Variants in SENP5 observed in about 807,000 individuals in gnomAD.
SENP5 encodes the protein sentrin-specific protease 5.
In SENP5, 21 loss-of-function variants were observed where a neutral mutation model predicts 74.2. The ratio of observed to expected loss-of-function variants is 0.28; its 90% CI spans 0.20 to 0.41. SENP5 has a LOEUF of 0.41. Among genes scored for constraint, SENP5 ranks in the 10% least tolerant of loss-of-function variants. The probability of loss-of-function intolerance (pLI) is 1.00; values close to 1 mark genes in which losing one functional copy is unlikely to be tolerated. For missense variants in SENP5, 717 were observed against 889.1 expected, an observed-to-expected ratio of 0.81 and a Z score of 2.46; for synonymous variants, 311 against 312.7, an observed-to-expected ratio of 0.99 and a Z score of 0.06.
intron 1 of SENP5, among the ~76,000 whole-genome samples, chr3:196,870,675 G>A (rs1378536676): frequency 2.0e-5 from 3 of 151,708 alleles, no homozygotes; most frequent in East Asian, 3.9e-4. Context: ...CCACCACCAC[G>A]CCCGGCTAAT....
chr3:196,920,286 CCTT>C (rs1715565825), intron 6 of SENP5, among the ~76,000 whole-genome samples: 1 of 151,962 alleles, frequency 6.6e-6, no homozygotes, highest in Non-Finnish European at 1.5e-5. Context: ...TTAAATGTAT[CCTT>C]AAGTATTTCA....
At chr3:196,914,586 A>AAAAAAAAAAT in intron 6 of SENP5, 4 of 33,500 alleles carry the variant, frequency 1.2e-4, no homozygotes, top group African/African-American at 1.8e-4. Flanking sequence ...AAAAAAAAAA[A>AAAAAAAAAAT]ATATATATAT....
In SENP5 at chr3:196,886,550, T is replaced by C. The variant is rs755977048; in HGVS notation, c.1369T>C (p.Leu457=). Residue 457 remains leucine, a synonymous_variant, in exon 2 of 10, where the codon TTG becomes CTG. Transcript: ENST00000323460. ...SLKQSILSSE[L]LDHPYCKSPL... is the part of the protein sequence containing the mutation. ...CAAGCAGAGCATTCTTAGTTCTGAG[T>C]TGCTGGACCACCCTTACTGTAAAAG... 1 of 1,613,836 alleles carries C rather than the reference T, an allele frequency of 6.2e-7. No individual in the cohort carries two copies.
Position 196,883,745 on chromosome 3 carries a change from G to A in SENP5, c.-31-1406G>A, listed in dbSNP as rs576896434. ...CTCTTGTCTCCCAGGCTGGAGTGCA[G>A]TGGCGCAATCTTGGCTCACTGCAAC... On this transcript the variant is annotated intron_variant, in intron 1 of 9. Transcript: ENST00000323460. Among the ~76,000 whole-genome samples the A allele has an allele frequency of 6.6e-5, 10 of 151,996 alleles. No homozygotes were observed. The South Asian group carries it at 1.9e-3, about 28-fold the overall frequency.
chr3:196,872,046 G>T (rs1192967373), intron 1 of SENP5, among the ~76,000 whole-genome samples: 1 of 152,154 alleles, frequency 6.6e-6, no homozygotes, highest in East Asian at 1.9e-4. Context: ...CACCACACTT[G>T]GCCGATATAA....
intron 6 of SENP5, among the ~76,000 whole-genome samples, chr3:196,908,226 A>G (rs4916580): frequency 0.66 from 100,413 of 151,996 alleles, 34,213 homozygotes; most frequent in Non-Finnish European, 0.75. Context: ...GCTGCAGTGA[A>G]CCCTGATCAC....
intron 6 of SENP5, among the ~76,000 whole-genome samples, chr3:196,915,033 A>T (rs1426807734): frequency 6.6e-6 from 1 of 152,202 alleles, no homozygotes. Context: ...CCATGGAGGG[A>T]GCATTCAGAC....
intron 6 of SENP5, among the ~76,000 whole-genome samples, chr3:196,910,743 C>CA (rs1032105229): frequency 6.6e-6 from 1 of 151,978 alleles, no homozygotes; most frequent in African/African-American, 2.4e-5. Flanking sequence ...CATATGGAAA[C>CA]AAAAAAGAGC....
Position 196,932,016 on chromosome 3 carries a change from C to G in SENP5, c.*1093C>G. The G allele has an allele frequency of 2.4e-6, 1 of 411,202 alleles. No individual in the cohort carries two copies. The highest frequency in any genetic ancestry group is 4.8e-6 in the Non-Finnish European group (1 of 207,586). 25.5% of individuals were successfully genotyped at this position (411,202 alleles called of 1,614,324 possible). Reference sequence around the variant, plus strand: ...CCTGTCCCATTAGTGACCTCAGTAACATGCAGGGTACGTCTGGCTTCTGCA... The same window carrying G: ...CCTGTCCCATTAGTGACCTCAGTAAGATGCAGGGTACGTCTGGCTTCTGCA... On this transcript the variant is annotated 3_prime_UTR_variant, in exon 10 of 10. Coordinates refer to ENST00000323460, the MANE Select transcript of SENP5 (RefSeq NM_152699.5).
chr3:196,907,765 A>G (rs1000085752), intron 6 of SENP5, among the ~76,000 whole-genome samples: 1 of 152,138 alleles, frequency 6.6e-6, no homozygotes, highest in Non-Finnish European at 1.5e-5. Context: ...AAAAATTGCA[A>G]AAAAGATCTC....
chr3:196,908,924 C>T (rs954291599), intron 6 of SENP5, among the ~76,000 whole-genome samples: 1 of 152,088 alleles, frequency 6.6e-6, no homozygotes, highest in African/African-American at 2.4e-5. Flanking sequence ...CAGAGCAGAA[C>T]TGAAGGAGAT....
Position 196,886,166 on chromosome 3 carries a change from A to C in SENP5, c.985A>C (p.Lys329Gln), listed in dbSNP as rs140986658. Residue 329 changes from lysine (K) to glutamine (Q), a missense_variant, in exon 2 of 10, where the codon AAA (lysine) becomes CAA (glutamine). Lys to Gln is a moderately conservative substitution (Grantham distance 53, BLOSUM62 1). Around this residue, in one of 4 missense-constraint regions of SENP5, gnomAD observed 567 missense variants for 577.4 expected, o/e 0.98. Transcript: ENST00000323460. ...TNSHVPDCHTKGSSFLGKELS... is the reference protein window; with the variant it reads ...TNSHVPDCHTQGSSFLGKELS... ...CTCTCATGTGCCTGATTGCCACACT[A>C]AAGGAAGCTCTTTCTTGGGCAAGGA... The C allele has an allele frequency of 1.5e-5, 25 of 1,614,216 alleles. No homozygotes were observed. In the African/African-American group the frequency reaches 2.9e-4, roughly 19 times the overall value.
intron 8 of SENP5, among the ~76,000 whole-genome samples, chr3:196,928,814 C>A (rs1454121257): frequency 6.6e-6 from 1 of 152,202 alleles, no homozygotes; most frequent in Non-Finnish European, 1.5e-5. Flanking sequence ...ATTTACCCAA[C>A]TAAAAAATCT....
At chr3:196,911,666 C>A (rs1715138023) in intron 6 of SENP5, among the ~76,000 whole-genome samples, 1 of 144,360 alleles carries the variant, frequency 6.9e-6, no homozygotes, top group Non-Finnish European at 1.6e-5. Context: ...GAAGCTGAGG[C>A]AGTTGTGGTG....
chr3:196,929,546 T>G, intron 8 of SENP5, 87 bp from the exon 9 acceptor site: 1 of 791,588 alleles, frequency 1.3e-6, no homozygotes, highest in Non-Finnish European at 2.1e-6. Flanking sequence ...TTTCCTATCT[T>G]TTGCGCATTT....
chr3:196,885,745 C>A lies in SENP5; in HGVS notation c.564C>A (p.Asn188Lys). 6.2e-7 allele frequency: 1 copy of A among 1,614,224 alleles called. No individual in the cohort carries two copies. The highest frequency in any genetic ancestry group is 8.5e-7 in the Non-Finnish European group (1 of 1,180,042). ...GESGTIVVTL[N>K]NHKRKGFCYG... Reference sequence around the variant, plus strand: ...GTGGCACGATTGTGGTCACCTTGAACAACCATAAGAGAAAGGGCTTTTGTT... The same window carrying A: ...GTGGCACGATTGTGGTCACCTTGAAAAACCATAAGAGAAAGGGCTTTTGTT... The change falls in exon 2 of 10, where the codon AAC becomes AAA. Residue 188 changes from asparagine to lysine, a missense_variant. Around this residue, in one of 4 missense-constraint regions of SENP5, gnomAD observed 567 missense variants for 577.4 expected, o/e 0.98. Transcript: ENST00000323460.
intron 1 of SENP5, among the ~76,000 whole-genome samples, chr3:196,874,493 ACCT>A (rs1169765975): frequency 6.6e-6 from 1 of 151,974 alleles, no homozygotes; most frequent in African/African-American, 2.4e-5. Context: ...CTTTTTAGAA[ACCT>A]GTTCTAGCTT....
At chr3:196,900,298 TTTTG>T (rs899335464) in intron 4 of SENP5, 63 bp from the exon 5 acceptor site, 4 of 1,443,428 alleles carry the variant, frequency 2.8e-6, no homozygotes, top group African/African-American at 1.4e-5. Flanking sequence ...TATTTATTTA[TTTTG>T]TTTTTCTTTC....
intron 6 of SENP5, among the ~76,000 whole-genome samples, chr3:196,917,193 A>G (rs1715415412): frequency 1.3e-5 from 2 of 151,964 alleles, no homozygotes; most frequent in African/African-American, 4.8e-5. Context: ...AATTCAGTTG[A>G]CAAACTAGAA....
Sources: allele counts gnomAD v4.1 joint callset (sites outside exome capture counted in the v4.1 genomes callset), GRCh38; gene constraint gnomAD v4.1.1; regional missense constraint gnomAD v4.1.1; transcripts MANE v1.5; gene names NCBI Gene and HGNC (gene_info 2026-07-23, HGNC 2026-07-21).